CLYBL: variants seen among roughly 807,000 people sequenced by gnomAD.
The protein encoded by CLYBL is citramalyl-CoA lyase, mitochondrial.
Under a neutral mutation model 38.9 loss-of-function variants are expected in CLYBL, and 31 were observed. That is an observed-to-expected ratio of 0.80 (90% confidence interval 0.60 to 1.08). The LOEUF is 1.08. Among genes scored for constraint, CLYBL ranks in the 50% least tolerant of loss-of-function variants. CLYBL has a pLI of 0.00. For missense variants in CLYBL, 434 were observed against 411.6 expected, an observed-to-expected ratio of 1.05 and a Z score of -0.47; for synonymous variants, 171 against 158.6, an observed-to-expected ratio of 1.08 and a Z score of -0.59.
chr13:99,909,222 C>A (rs9582353), exon 10 of CLYBL, among the ~76,000 whole-genome samples: 2 of 152,214 alleles, frequency 1.3e-5, no homozygotes, highest in African/African-American at 4.8e-5. Context: ...CACGAAGACT[C>A]TGTTATTAGA....
At chr13:99,793,590 AAAC>A (rs1470050714) in intron 2 of CLYBL, among the ~76,000 whole-genome samples, 2 of 152,304 alleles carry the variant, frequency 1.3e-5, no homozygotes, top group African/African-American at 2.4e-5. Flanking sequence ...AATAAATAAA[AAAC>A]AACAAAAAAT....
At chr13:99,691,352 T>G (rs938696925) in intron 1 of CLYBL, among the ~76,000 whole-genome samples, 2 of 152,174 alleles carry the variant, frequency 1.3e-5, no homozygotes, top group Non-Finnish European at 2.9e-5. Context: ...GACACAAGTC[T>G]TTTGTTCAAA....
chr13:99,792,594 C>A (rs1009597549), intron 2 of CLYBL, among the ~76,000 whole-genome samples: 2 of 151,772 alleles, frequency 1.3e-5, no homozygotes, highest in African/African-American at 4.8e-5. Context: ...CTACGCCCCA[C>A]CCCTGGAGTT....
At chr13:99,716,788 T>TTTC (rs1166063980) in intron 1 of CLYBL, among the ~76,000 whole-genome samples, 13 of 121,700 alleles carry the variant, frequency 1.1e-4, no homozygotes, top group Non-Finnish European at 1.8e-4. Flanking sequence ...TTTTCTTTTC[T>TTTC]TTTTTTTTTT....
chr13:99,624,030 C>A (rs1295795311), intron 1 of CLYBL, among the ~76,000 whole-genome samples: 2 of 149,096 alleles, frequency 1.3e-5, no homozygotes, highest in Admixed American at 6.7e-5. Flanking sequence ...TTCATAAGAA[C>A]ACCAATAAAC....
chr13:99,676,238 T>C (rs931848122), intron 1 of CLYBL, among the ~76,000 whole-genome samples: 2 of 119,974 alleles, frequency 1.7e-5, no homozygotes, highest in African/African-American at 3.5e-5. Context: ...CCTTCCTTCC[T>C]TTCCTCCCTT....
intron 1 of CLYBL, among the ~76,000 whole-genome samples, chr13:99,710,499 T>C (rs1269863293): frequency 6.6e-6 from 1 of 152,162 alleles, no homozygotes; most frequent in Non-Finnish European, 1.5e-5. Flanking sequence ...ATGAAGACAA[T>C]GTAGGACAAG....
At chr13:99,760,819 A>G (rs59629450) in intron 1 of CLYBL, among the ~76,000 whole-genome samples, 2,530 of 152,336 alleles carry the variant, frequency 0.017, 65 homozygotes, top group African/African-American at 0.057. Flanking sequence ...TCAAAGCACC[A>G]TACTCAGGAT....
At chr13:99,624,906 G>A (rs747863687) in intron 1 of CLYBL, among the ~76,000 whole-genome samples, 1 of 152,136 alleles carries the variant, frequency 6.6e-6, no homozygotes, top group African/African-American at 2.4e-5. Flanking sequence ...AATAACATTC[G>A]CTTTTATCTT....
chr13:99,804,524 G>A (rs1359612210), intron 2 of CLYBL, among the ~76,000 whole-genome samples: 1 of 152,108 alleles, frequency 6.6e-6, no homozygotes, highest in South Asian at 2.1e-4. Flanking sequence ...TGAAGACAGA[G>A]TAATGGGATT....
chr13:99,666,732 A>G (rs1046567128), intron 1 of CLYBL, among the ~76,000 whole-genome samples: 1 of 152,218 alleles, frequency 6.6e-6, no homozygotes, highest in African/African-American at 2.4e-5. Flanking sequence ...AATCAGATGT[A>G]GCAGGTGTCA....
chr13:99,770,197 C>T (rs1328768621), intron 1 of CLYBL, among the ~76,000 whole-genome samples: 2 of 151,392 alleles, frequency 1.3e-5, no homozygotes, highest in Non-Finnish European at 2.9e-5. Flanking sequence ...AAGGGATTCT[C>T]GCTACTCAGC....
At chr13:99,844,388 T>G (rs532089901) in intron 2 of CLYBL, among the ~76,000 whole-genome samples, 153 of 152,356 alleles carry the variant, frequency 1.0e-3, no homozygotes, top group African/African-American at 3.5e-3. Context: ...CTTTGAAAAG[T>G]TAGAAGAGGA....
rs370242491 is a variant in CLYBL, at chr13:99,625,270, C to A, written c.62+18513C>A. 1.1e-4 allele frequency among the ~76,000 whole-genome samples: 16 copies of A among 152,362 alleles called. No individual in the cohort carries two copies. The East Asian group carries it at 3.1e-3, about 29-fold the overall frequency. On this transcript the variant is annotated intron_variant, in intron 1 of 8. Coordinates refer to ENST00000339105, the MANE Select transcript of CLYBL (RefSeq NM_206808.5). ...CTGCTAACTGGCGTGGCTCTCAGAC[C>A]TTGCATGGCCCCACACATTTTTTTT...
At chr13:99,839,350 T>G (rs1181567797) in intron 2 of CLYBL, among the ~76,000 whole-genome samples, 1 of 152,178 alleles carries the variant, frequency 6.6e-6, no homozygotes, top group African/African-American at 2.4e-5. Flanking sequence ...CACTTACATA[T>G]CTGAAGGTCC....
intron 2 of CLYBL, among the ~76,000 whole-genome samples, chr13:99,811,912 A>G (rs2050349904): frequency 6.6e-6 from 1 of 152,228 alleles, no homozygotes. Flanking sequence ...TCTTATTGAT[A>G]AAGCAATACC....
At chr13:99,886,265 C>T (rs189244466) in intron 7 of CLYBL, among the ~76,000 whole-genome samples, 2 of 152,146 alleles carry the variant, frequency 1.3e-5, no homozygotes, top group Non-Finnish European at 2.9e-5. Context: ...GAAAATTACT[C>T]TTTTAGGACT....
At chr13:99,610,792 A>G (rs2046614504) in intron 1 of CLYBL, among the ~76,000 whole-genome samples, 2 of 152,112 alleles carry the variant, frequency 1.3e-5, no homozygotes, top group South Asian at 2.1e-4. Context: ...AGAGCTCTCT[A>G]TGGGTATCTT....
At chr13:99,736,038 C>CTTTTTTTTTTTTTTTTTTT (rs767129851) in intron 1 of CLYBL, among the ~76,000 whole-genome samples, 1 of 76,198 alleles carries the variant, frequency 1.3e-5, no homozygotes, top group African/African-American at 5.2e-5. Context: ...CGTTTCTTTT[C>CTTTTTTTTTTTTTTTTTTT]TTTTTTTTTT....
Sources: gnomAD v4.1 joint callset for allele counts (sites outside exome capture counted in the v4.1 genomes callset) on GRCh38, gnomAD v4.1.1 for gene constraint, MANE v1.5 for transcripts, NCBI Gene and HGNC (gene_info 2026-07-23, HGNC 2026-07-21) for gene names.